Variants in YJEFN3 observed in about 807,000 individuals in gnomAD.
The protein encoded by YJEFN3 is yjeF N-terminal domain-containing protein 3.
YJEFN3 carries 29 observed loss-of-function variants against 31.5 expected under a neutral mutation model. That is an observed-to-expected ratio of 0.92 (90% confidence interval 0.69 to 1.26). YJEFN3 has a LOEUF of 1.26. Among genes scored for constraint, YJEFN3 ranks in the 50% most tolerant of loss-of-function variants. The pLI, the probability that YJEFN3 is intolerant of heterozygous loss-of-function variation, is 0.00. For missense variants in YJEFN3, 442 were observed against 425.4 expected, an observed-to-expected ratio of 1.04 and a Z score of -0.34; for synonymous variants, 227 against 196.1, an observed-to-expected ratio of 1.16 and a Z score of -1.32.
intron 3 of YJEFN3, chr19:19,533,617 C>A: frequency 1.0e-6 from 1 of 965,596 alleles, no homozygotes; most frequent in African/African-American, 1.8e-5. Flanking sequence ...CATCCTCCTC[C>A]TCCCCATTCT....
At chr19:19,536,385 T>G (rs564900591) in intron 6 of YJEFN3, among the ~76,000 whole-genome samples, 1 of 152,150 alleles carries the variant, frequency 6.6e-6, no homozygotes, top group African/African-American at 2.4e-5. Context: ...GGAGGCTCAT[T>G]CAAGAGGTGA....
chr19:19,528,952 C>T lies in YJEFN3; in HGVS notation c.20C>T (p.Pro7Leu), dbSNP rs1298274594. 2 of 1,549,724 alleles carry T rather than the reference C, an allele frequency of 1.3e-6. No homozygotes were observed. The highest frequency in any genetic ancestry group is 2.0e-5 in the Admixed American group (1 of 50,974). Residue 7 changes from proline (P) to leucine (L), a missense_variant, in exon 1 of 7, where the codon CCA (proline) becomes CTA (leucine). By Grantham distance (98) the Pro-to-Leu change is moderately conservative. Transcript: ENST00000514277. ...TCGGCCATGAGCAGCGCAGCCGGCCCAGACCCGTCGGAGGCGCCCGAAGAG... is the reference window on the plus strand; with the variant it reads ...TCGGCCATGAGCAGCGCAGCCGGCCTAGACCCGTCGGAGGCGCCCGAAGAG... MSSAAGPDPSEAPEERH... is the reference protein window; with the variant it reads MSSAAGLDPSEAPEERH...
rs1441160517 is a variant in YJEFN3, at chr19:19,534,121, GC to G, written c.319-911del. The G allele has an allele frequency of 1.8e-5, 18 of 985,552 alleles. No homozygotes were observed. Among genetic ancestry groups the G allele is most frequent in the Non-Finnish European group, 2.0e-5 (17 of 830,076 alleles). 61.1% of individuals were successfully genotyped at this position (985,552 alleles called of 1,614,324 possible). On this transcript the variant is annotated intron_variant, in intron 3 of 6. Coordinates refer to ENST00000514277, the MANE Select transcript of YJEFN3 (RefSeq NM_198537.4). This position sits in a 1 kb window ranked among gnomAD's most constrained non-coding sequence, Gnocchi z 4.6. ...TGAGTCTGGGAGAGAAGGGGCTGGG[GC>G]CACGCAGAATCAGGGCAGGGCTGGG...
chr19:19,529,109 G>A, intron 1 of YJEFN3, 118 bp downstream of exon 1: 2 of 1,486,242 alleles, frequency 1.3e-6, no homozygotes, highest in Non-Finnish European at 1.8e-6. Flanking sequence ...ACTGGAGACG[G>A]GCACAGCCGG....
In YJEFN3 at chr19:19,532,718, C is replaced by T; in HGVS notation, c.296C>T (p.Ala99Val). 6.4e-7 allele frequency: 1 copy of T among 1,572,970 alleles called. No individual in the cohort carries two copies. Among genetic ancestry groups the T allele is most frequent in the Non-Finnish European group, 8.6e-7 (1 of 1,165,136 alleles). The stretch of plus-strand genomic sequence containing the variant: ...CAGCTCGTGGAGCTGTGCGGTCATG[C>T]TAGTGCCGTGGCTGTGACCAAGGTA... ...RQQLVELCGH[A>V]SAVAVTKAFP... is the part of the protein sequence containing the mutation. Residue 99 changes from alanine (A) to valine (V), a missense_variant, in exon 3 of 7, where the codon GCT (alanine) becomes GTT (valine). Transcript: ENST00000514277.
chr19:19,536,680 A>C (rs563402525), intron 6 of YJEFN3, among the ~76,000 whole-genome samples: 1 of 150,076 alleles, frequency 6.7e-6, no homozygotes, highest in South Asian at 2.1e-4. Context: ...CTGTATCTTA[A>C]AAACAAACAG....
rs748179810 is a variant in YJEFN3 at position 19,529,366 on chromosome 19, C to T, written c.62C>T (p.Ala21Val). The change falls in exon 2 of 7, where the codon GCC (alanine) becomes GTC (valine). Residue 21 changes from alanine to valine, a missense_variant and splice_region_variant. Coordinates refer to ENST00000514277, the MANE Select transcript of YJEFN3 (RefSeq NM_198537.4). ...EAPEERHFLR[A>V]LELQPPLADM... is the part of the protein sequence containing the mutation. ...CCCCCACTCTCCATCTCTCCCAGGGCCTTGGAGCTGCAGCCCCCACTTGCC... is the reference window on the plus strand; with the variant it reads ...CCCCCACTCTCCATCTCTCCCAGGGTCTTGGAGCTGCAGCCCCCACTTGCC... 1.2e-5 allele frequency: 19 copies of T among 1,611,332 alleles called. No individual in the cohort carries two copies. In the South Asian group the frequency reaches 2.0e-4, roughly 17 times the overall value.
At chr19:19,530,250 TCATCTAGGGG>T (rs1650350287) in intron 2 of YJEFN3, among the ~76,000 whole-genome samples, 1 of 151,754 alleles carries the variant, frequency 6.6e-6, no homozygotes, top group Non-Finnish European at 1.5e-5. Flanking sequence ...GAAGCTTCTC[TCATCTAGGGG>T]CCGAGATTCG....
intron 2 of YJEFN3, among the ~76,000 whole-genome samples, chr19:19,529,840 C>T (rs1225908383): frequency 3.9e-5 from 6 of 152,078 alleles, no homozygotes; most frequent in Non-Finnish European, 5.9e-5. Flanking sequence ...AACTGGCTGA[C>T]GAGGCTGGAG....
Position 19,537,458 on chromosome 19 carries a change from C to G in YJEFN3, c.834C>G (p.Asp278Glu). 6.3e-7 allele frequency: 1 copy of G among 1,587,386 alleles called. No homozygotes were observed. The highest frequency in any genetic ancestry group is 1.1e-5 in the South Asian group (1 of 89,118). ...TGGCCGGCAGGTTCGTGCCCGATGA[C>G]GTGCGCCGCAAGTTCGCTCTGCGCC... is the stretch of plus-strand genomic sequence containing the variant. The part of the protein sequence containing the change: ...HFVAGRFVPD[D>E]VRRKFALRLP... The change falls in exon 7 of 7, where the codon GAC becomes GAG. Residue 278 changes from aspartate to glutamate, a missense_variant. Coordinates refer to ENST00000514277, the MANE Select transcript of YJEFN3 (RefSeq NM_198537.4).
At position 19,534,964 on chromosome 19, in the gene YJEFN3, C is replaced by T. The variant is rs1314793939; in HGVS notation, c.319-70C>T. 4.1e-5 allele frequency: 56 copies of T among 1,373,722 alleles called. No homozygotes were observed. Among genetic ancestry groups the T allele is most frequent in the Non-Finnish European group, 5.2e-5 (53 of 1,019,614 alleles). 85.1% of individuals were successfully genotyped at this position (1,373,722 alleles called of 1,614,324 possible). ...CCCCATCCCTTCCCCTACTCCGGGC[C>T]TCAGTTTCCTCTCCAGGCAAGGAGG... On this transcript the variant is annotated intron_variant, in intron 3 of 6. Transcript: ENST00000514277. The surrounding 1 kb of genome is among the most constrained non-coding windows in gnomAD (Gnocchi z 4.6).
At chr19:19,533,647 CCTCTT>C (rs1253163581) in intron 3 of YJEFN3, 3 of 985,068 alleles carry the variant, frequency 3.0e-6, no homozygotes, top group Non-Finnish European at 3.6e-6. Flanking sequence ...CACCCCTCCT[CCTCTT>C]TTTCTTCTTA....
At chr19:19,529,616 C>A in intron 2 of YJEFN3, 103 bp downstream of exon 2, 1 of 1,493,510 alleles carries the variant, frequency 6.7e-7, no homozygotes, top group Non-Finnish European at 9.0e-7. Flanking sequence ...GTTGACCTCA[C>A]TGTGAACCAG....
intron 2 of YJEFN3, 133 bp downstream of exon 2, chr19:19,529,646 C>T: frequency 2.5e-6 from 3 of 1,207,554 alleles, no homozygotes; most frequent in Non-Finnish European, 3.4e-6. Flanking sequence ...ACAGCTCCTG[C>T]CCACTGCCCA....
rs748442210 is a variant in YJEFN3, at chr19:19,537,548, G to A, written c.*24G>A. 102 of 1,517,568 alleles carry A rather than the reference G, an allele frequency of 6.7e-5. 1 individual carries two copies. In the South Asian group the frequency reaches 9.0e-4, roughly 13 times the overall value. 94.0% of individuals were successfully genotyped at this position (1,517,568 alleles called of 1,614,324 possible). A position where few individuals can be genotyped will look rare whatever the true frequency, so the allele number is the denominator to read the frequency against. On this transcript the variant is annotated 3_prime_UTR_variant, in exon 7 of 7. Coordinates refer to ENST00000514277, the MANE Select transcript of YJEFN3 (RefSeq NM_198537.4). ...GACCGCCACCCGCGGCCACACCGCA[G>A]GGACCCTCGCCAATAAACAGCCCTC...
Position 19,532,635 on chromosome 19 carries a change from C to G in YJEFN3, c.213C>G (p.Thr71=). The stretch of plus-strand genomic sequence containing the variant: ...TCCCATCCCACTCTGTCCCCAGCAC[C>G]GCGGAGGCAGCCGCCCTGGAGCGGG... ...IWNAGPVCQS[T]AEAAALEREL... Residue 71 remains threonine, a synonymous_variant, in exon 3 of 7, where the codon ACC becomes ACG. Coordinates refer to ENST00000514277, the MANE Select transcript of YJEFN3 (RefSeq NM_198537.4). The G allele has an allele frequency of 6.5e-7, 1 of 1,549,156 alleles. No individual in the cohort carries two copies. Among genetic ancestry groups the G allele is most frequent in the Non-Finnish European group, 8.7e-7 (1 of 1,152,986 alleles).
At chr19:19,533,503 C>G (rs1211569757) in intron 3 of YJEFN3, 1 of 842,140 alleles carries the variant, frequency 1.2e-6, no homozygotes, top group Non-Finnish European at 1.4e-6. Flanking sequence ...TCTCTCCCTC[C>G]TCCTCCCCTT....
chr19:19,529,524 T>C lies in YJEFN3; in HGVS notation c.209+11T>C, dbSNP rs2061133224. On this transcript the variant is annotated intron_variant, in intron 2 of 6. Transcript: ENST00000514277. ...GCCTGTTTGCCAGAGGTTGGTGAGT[T>C]TGGGATCTAGAACTGGCGCCGTGGC... 1 of 1,612,116 alleles carries C rather than the reference T, an allele frequency of 6.2e-7. No individual in the cohort carries two copies. Among genetic ancestry groups the C allele is most frequent in the Non-Finnish European group, 8.5e-7 (1 of 1,179,064 alleles).
intron 6 of YJEFN3, among the ~76,000 whole-genome samples, 187 bp from the exon 7 acceptor site, chr19:19,537,132 A>T (rs2061217138): frequency 7.0e-6 from 1 of 142,166 alleles, no homozygotes; most frequent in Non-Finnish European, 1.5e-5. Flanking sequence ...ACCAGGACCC[A>T]TGTGCCAGAG....
Sources: allele counts gnomAD v4.1 joint callset (sites outside exome capture counted in the v4.1 genomes callset), GRCh38; gene constraint gnomAD v4.1.1; non-coding constraint Gnocchi (gnomAD v3.1); transcripts MANE v1.5; gene names NCBI Gene and HGNC (gene_info 2026-07-23, HGNC 2026-07-21).